The following GYS2 variants were observed in gnomAD, a reference collection of about 807,000 sequenced individuals.
GYS2 encodes the protein glycogen synthase 2.
Under a neutral mutation model 85.6 loss-of-function variants are expected in GYS2, and 80 were observed. The observed-to-expected ratio is 0.93, with a 90% CI of 0.78 to 1.13. The LOEUF is 1.13. Among genes scored for constraint, GYS2 ranks in the 50% most tolerant of loss-of-function variants. The probability of loss-of-function intolerance (pLI) is 0.00; values close to 1 mark genes in which losing one functional copy is unlikely to be tolerated. For synonymous variants in GYS2, 328 were observed against 300.7 expected, an observed-to-expected ratio of 1.09 and a Z score of -0.94; for missense variants, 881 against 854.9, an observed-to-expected ratio of 1.03 and a Z score of -0.38.
In GYS2 at chr12:21,559,131, T is replaced by C; in HGVS notation, c.1268A>G (p.Asp423Gly). ...IPDLNDILDR[D>G]DLTIMKRAIF... ...GGCTCTTTTCATAATTGTTAGATCA[T>C]CTCGATCTAAAATATCGTTCAGGTC... is the stretch of plus-strand genomic sequence containing the variant. The change falls in exon 10 of 16, where the codon GAT becomes GGT. Residue 423 changes from aspartate (D) to glycine (G), a missense_variant. By Grantham distance (94) the Asp-to-Gly change is moderately conservative. Coordinates refer to ENST00000261195, the MANE Select transcript of GYS2 (RefSeq NM_021957.4). The C allele has an allele frequency of 1.2e-6, 2 of 1,609,836 alleles. No homozygotes were observed. Among genetic ancestry groups the C allele is most frequent in the Non-Finnish European group, 1.7e-6 (2 of 1,176,798 alleles).
intron 1 of GYS2, among the ~76,000 whole-genome samples, chr12:21,582,991 A>G (rs1258066847): frequency 6.6e-6 from 1 of 152,222 alleles, no homozygotes; most frequent in Non-Finnish European, 1.5e-5. Context: ...GGTTGCTTGT[A>G]AGTTCGCTGG....
At chr12:21,600,083 A>G (rs1466968233) in intron 1 of GYS2, among the ~76,000 whole-genome samples, 1 of 152,170 alleles carries the variant, frequency 6.6e-6, no homozygotes, top group Non-Finnish European at 1.5e-5. Context: ...CAAGATAGTA[A>G]GTAAAGGAAT....
chr12:21,563,346 C>A lies in GYS2; in HGVS notation c.824-1G>T. 1.3e-6 allele frequency: 2 copies of A among 1,487,238 alleles called. No individual in the cohort carries two copies. Among genetic ancestry groups the A allele is most frequent in the Non-Finnish European group, 1.9e-6 (2 of 1,064,260 alleles). 92.1% of individuals were successfully genotyped at this position (1,487,238 alleles called of 1,614,324 possible). A position where few individuals can be genotyped will look rare whatever the true frequency, so the allele number is the denominator to read the frequency against. ...TTCAAGCCGTTTGGAGTAACTACAT[C>A]TAGAAAGGCAAAACAAAATTATTAT... On this transcript the variant is annotated splice_acceptor_variant, in intron 5 of 15. Transcript: ENST00000261195. LOFTEE classifies it high-confidence loss of function.
At chr12:21,541,089 C>G (rs898406011) in intron 13 of GYS2, among the ~76,000 whole-genome samples, 1 of 151,578 alleles carries the variant, frequency 6.6e-6, no homozygotes, top group Non-Finnish European at 1.5e-5. Context: ...CCTGGGCAAC[C>G]TGGGGAAATC....
chr12:21,593,593 A>C (rs537791556), intron 1 of GYS2, among the ~76,000 whole-genome samples: 17 of 152,200 alleles, frequency 1.1e-4, no homozygotes, highest in African/African-American at 4.1e-4. Context: ...TGAACAGACC[A>C]GTAATGAATA....
chr12:21,590,799 C>T (rs1944629897), intron 1 of GYS2, among the ~76,000 whole-genome samples: 1 of 152,128 alleles, frequency 6.6e-6, no homozygotes, highest in South Asian at 2.1e-4. Context: ...ATTCTTGTCT[C>T]CAGCACAACC....
intron 1 of GYS2, among the ~76,000 whole-genome samples, chr12:21,595,881 G>C (rs1565613326): frequency 6.6e-6 from 1 of 152,100 alleles, no homozygotes; most frequent in Non-Finnish European, 1.5e-5. Flanking sequence ...GCACTAGACA[G>C]TTCATCAAGA....
At chr12:21,576,858 C>T (rs1023346587) in intron 2 of GYS2, among the ~76,000 whole-genome samples, 3 of 152,008 alleles carry the variant, frequency 2.0e-5, no homozygotes, top group African/African-American at 7.3e-5. Flanking sequence ...TATGTTTATT[C>T]TCCTTTTACA....
chr12:21,596,910 T>A (rs542212465), intron 1 of GYS2, among the ~76,000 whole-genome samples: 1 of 152,238 alleles, frequency 6.6e-6, no homozygotes, highest in African/African-American at 2.4e-5. Flanking sequence ...AGTTTCCAGA[T>A]ACAAGATGAA....
intron 11 of GYS2, among the ~76,000 whole-genome samples, chr12:21,547,712 C>T (rs1009129034): frequency 1.3e-5 from 2 of 152,050 alleles, no homozygotes; most frequent in Non-Finnish European, 2.9e-5. Flanking sequence ...TGTCAAAACC[C>T]ATAGAATGTA....
intron 1 of GYS2, among the ~76,000 whole-genome samples, chr12:21,597,487 A>G (rs866739183): frequency 6.6e-6 from 1 of 152,142 alleles, no homozygotes. Context: ...CAAAACCACA[A>G]TGAGATATCA....
rs913768099 is a variant in GYS2 at position 21,601,411 on chromosome 12, A to G, written c.121+3061T>C. On this transcript the variant is annotated intron_variant, in intron 1 of 15. Transcript: ENST00000261195. ...CTATTAACTCCCCCTGAGCTTCACA[A>G]TCTAGTCCCTGCAGGTCTCTCCCAT... Among the ~76,000 whole-genome samples, 5 of 152,192 alleles carry G rather than the reference A, an allele frequency of 3.3e-5. 1 individual carries two copies. The highest frequency in any genetic ancestry group is 6.5e-5 in the Admixed American group (1 of 15,278).
chr12:21,597,588 G>A (rs1944710504), intron 1 of GYS2, among the ~76,000 whole-genome samples: 2 of 151,938 alleles, frequency 1.3e-5, no homozygotes, highest in South Asian at 4.2e-4. Context: ...GCACTCGTAG[G>A]CACTATTGGT....
rs146811659 is a variant in GYS2, at chr12:21,575,890, A to G, written c.471T>C (p.Ser157=). The G allele has an allele frequency of 2.5e-6, 4 of 1,613,706 alleles. No homozygotes were observed. In the African/African-American group the frequency reaches 5.3e-5, roughly 22 times the overall value. ...CCTCTTTTAAGAACCAGGCAGTTAA[A>G]GATCCAAATATCAGCATATCATTGG... ...REANDMLIFG[S]LTAWFLKEVT... is the part of the protein sequence containing the mutation. The change falls in exon 3 of 16, where the codon TCT becomes TCC. Residue 157 remains serine (S), a synonymous_variant. Coordinates refer to ENST00000261195, the MANE Select transcript of GYS2 (RefSeq NM_021957.4).
chr12:21,552,061 A>G (rs1944117801), intron 11 of GYS2, among the ~76,000 whole-genome samples: 1 of 152,184 alleles, frequency 6.6e-6, no homozygotes, highest in Non-Finnish European at 1.5e-5. Context: ...AGGGATGAGG[A>G]AGGGATATTA....
intron 1 of GYS2, among the ~76,000 whole-genome samples, chr12:21,585,723 T>C (rs1378926909): frequency 2.0e-5 from 3 of 152,244 alleles, no homozygotes; most frequent in Non-Finnish European, 2.9e-5. Context: ...CTCCTTCTTT[T>C]GTTAAAAACA....
intron 1 of GYS2, among the ~76,000 whole-genome samples, chr12:21,604,106 T>A (rs1392987395): frequency 6.6e-6 from 1 of 152,128 alleles, no homozygotes; most frequent in African/African-American, 2.4e-5. Context: ...CACATATACA[T>A]CTTCCTAAAA....
At chr12:21,569,166 C>A (rs1003239166) in intron 4 of GYS2, among the ~76,000 whole-genome samples, 157 bp from the exon 5 acceptor site, 1 of 152,170 alleles carries the variant, frequency 6.6e-6, no homozygotes, top group Non-Finnish European at 1.5e-5. Context: ...CCCATTACTA[C>A]AATATACATA....
chr12:21,568,680 A>G (rs557783575), intron 5 of GYS2, among the ~76,000 whole-genome samples, 185 bp downstream of exon 5: 1 of 152,332 alleles, frequency 6.6e-6, no homozygotes, highest in Non-Finnish European at 1.5e-5. Flanking sequence ...GCCATGTTCC[A>G]GATATAGCTT....
Sources: gnomAD v4.1 joint callset for allele counts (sites outside exome capture counted in the v4.1 genomes callset) on GRCh38, gnomAD v4.1.1 for gene constraint, MANE v1.5 for transcripts, NCBI Gene and HGNC (gene_info 2026-07-23, HGNC 2026-07-21) for gene names.